FBXL7: variants seen among roughly 807,000 people sequenced by gnomAD.
FBXL7 encodes F-box/LRR-repeat protein 7.
FBXL7 carries 12 observed loss-of-function variants against 38.3 expected under a neutral mutation model. The ratio of observed to expected loss-of-function variants is 0.31; its 90% CI spans 0.20 to 0.51. The LOEUF (loss-of-function observed/expected upper bound fraction) is 0.51. Ranked by LOEUF, FBXL7 falls within the 20% of genes least tolerant of loss-of-function variation. The pLI, the probability that FBXL7 is intolerant of heterozygous loss-of-function variation, is 0.98. For synonymous variants in FBXL7, 297 were observed against 300.9 expected, an observed-to-expected ratio of 0.99 and a Z score of 0.13; for missense variants, 567 against 676.4, an observed-to-expected ratio of 0.84 and a Z score of 1.79.
rs938943774 is a variant in FBXL7 at position 15,661,293 on chromosome 5, GT to G, written c.127+45228del. ...TAAAGTAATTTATTAGTTCTAATAG[GT>G]TTTTTTGTCAGTTCTTTGAGATTTT... On this transcript the variant is annotated intron_variant, in intron 2 of 3. Coordinates refer to ENST00000504595, the MANE Select transcript of FBXL7 (RefSeq NM_012304.5). 1.4e-3 allele frequency among the ~76,000 whole-genome samples: 217 copies of G among 152,140 alleles called. 1 individual carries two copies. The highest frequency in any genetic ancestry group is 5.1e-3 in the African/African-American group (210 of 41,524).
At chr5:15,707,580 G>C (rs1224596075) in intron 2 of FBXL7, among the ~76,000 whole-genome samples, 1 of 152,246 alleles carries the variant, frequency 6.6e-6, no homozygotes, top group East Asian at 1.9e-4. Flanking sequence ...AACTTTGTGA[G>C]GAATAAGAAA....
chr5:15,508,231 A>G (rs924056330), intron 1 of FBXL7, among the ~76,000 whole-genome samples: 2 of 152,180 alleles, frequency 1.3e-5, no homozygotes, highest in Admixed American at 6.5e-5. Context: ...ATTGAATGCT[A>G]TACTGAAAAT....
chr5:15,879,935 C>T (rs1185239926), intron 2 of FBXL7, among the ~76,000 whole-genome samples: 1 of 151,872 alleles, frequency 6.6e-6, no homozygotes, highest in African/African-American at 2.4e-5. Flanking sequence ...AGTTTTCAAG[C>T]AATACAAATC....
intron 2 of FBXL7, among the ~76,000 whole-genome samples, chr5:15,833,572 C>T (rs746939770): frequency 1.3e-5 from 2 of 152,180 alleles, no homozygotes; most frequent in African/African-American, 4.8e-5. Context: ...TTTCAGCAAA[C>T]ATGGAACAAG....
intron 2 of FBXL7, among the ~76,000 whole-genome samples, chr5:15,678,749 C>G (rs1337596180): frequency 6.6e-6 from 1 of 152,180 alleles, no homozygotes; most frequent in South Asian, 2.1e-4. Flanking sequence ...TCTTGACGCT[C>G]TCATTCTCTC....
intron 2 of FBXL7, among the ~76,000 whole-genome samples, chr5:15,665,560 C>A (rs1742243796): frequency 6.6e-6 from 1 of 152,168 alleles, no homozygotes; most frequent in South Asian, 2.1e-4. Flanking sequence ...ACTTTCTACA[C>A]CCTAAATTGT....
chr5:15,742,813 A>ATAATATAATGAAATTATATTATGGT (rs1735926081), intron 2 of FBXL7, among the ~76,000 whole-genome samples: 1 of 152,200 alleles, frequency 6.6e-6, no homozygotes. Flanking sequence ...ATTGACTCAC[A>ATAATATAATGAAATTATATTATGGT]GTTTAGCATG....
At chr5:15,848,394 T>G (rs999704628) in intron 2 of FBXL7, among the ~76,000 whole-genome samples, 2 of 152,156 alleles carry the variant, frequency 1.3e-5, no homozygotes, top group African/African-American at 4.8e-5. Flanking sequence ...TTGTTTTTGT[T>G]TTTTTGAGAC....
intron 1 of FBXL7, among the ~76,000 whole-genome samples, chr5:15,554,602 T>C (rs1002624293): frequency 6.6e-6 from 1 of 152,196 alleles, no homozygotes; most frequent in African/African-American, 2.4e-5. Flanking sequence ...GCAAATAAAG[T>C]GTCAGCCTTG....
At chr5:15,808,978 C>A (rs1188412753) in intron 2 of FBXL7, among the ~76,000 whole-genome samples, 1 of 152,170 alleles carries the variant, frequency 6.6e-6, no homozygotes, top group Non-Finnish European at 1.5e-5. Flanking sequence ...ACCATCCAAA[C>A]CCCAGTCATT....
intron 2 of FBXL7, among the ~76,000 whole-genome samples, chr5:15,653,843 C>G (rs553090499): frequency 1.3e-5 from 2 of 152,298 alleles, no homozygotes; most frequent in South Asian, 4.1e-4. Flanking sequence ...CCTTGGGGAG[C>G]TCTGCACAGA....
intron 1 of FBXL7, among the ~76,000 whole-genome samples, chr5:15,527,056 C>T (rs575370866): frequency 1.3e-5 from 2 of 152,288 alleles, no homozygotes; most frequent in Non-Finnish European, 2.9e-5. Context: ...TTATGGACCT[C>T]CACCCATGGT....
intron 1 of FBXL7, among the ~76,000 whole-genome samples, chr5:15,553,091 A>AC (rs1182276826): frequency 1.2e-4 from 13 of 111,826 alleles, no homozygotes; most frequent in Non-Finnish European, 2.2e-4. Context: ...AAAAAAAAAA[A>AC]ACAAAAAAAA....
chr5:15,933,331 A>G (rs934352813), intron 3 of FBXL7, among the ~76,000 whole-genome samples: 2 of 152,232 alleles, frequency 1.3e-5, no homozygotes, highest in Non-Finnish European at 2.9e-5. Context: ...GACCAAATAT[A>G]TTATCTTTCC....
intron 2 of FBXL7, among the ~76,000 whole-genome samples, chr5:15,853,421 A>G (rs1166267217): frequency 6.6e-6 from 1 of 152,132 alleles, no homozygotes; most frequent in Non-Finnish European, 1.5e-5. Flanking sequence ...TACCACGGAG[A>G]AGGCATGGCT....
At chr5:15,641,040 G>A (rs1250940873) in intron 2 of FBXL7, among the ~76,000 whole-genome samples, 2 of 152,206 alleles carry the variant, frequency 1.3e-5, no homozygotes, top group African/African-American at 2.4e-5. Context: ...GGGATTTACT[G>A]AGTTTCTTGT....
rs73752349 is a variant in FBXL7 at position 15,887,123 on chromosome 5, C to T, written c.128-40767C>T. Among the ~76,000 whole-genome samples, 937 of 152,150 alleles carry T rather than the reference C, an allele frequency of 6.2e-3. 17 individuals carry two copies. Among genetic ancestry groups the T allele is most frequent in the African/African-American group, 0.021 (885 of 41,514 alleles). ...AAAATCGTTTATATATGGGATGAACCTTATAAACAACAGAATAGTCAAGGC... is the reference window on the plus strand; with the variant it reads ...AAAATCGTTTATATATGGGATGAACTTTATAAACAACAGAATAGTCAAGGC... On this transcript the variant is annotated intron_variant, in intron 2 of 3. Coordinates refer to ENST00000504595, the MANE Select transcript of FBXL7 (RefSeq NM_012304.5).
intron 2 of FBXL7, among the ~76,000 whole-genome samples, chr5:15,710,640 T>C (rs2126642061): frequency 6.6e-6 from 1 of 152,338 alleles, no homozygotes; most frequent in African/African-American, 2.4e-5. Flanking sequence ...GTGTGCCATA[T>C]CTTTAACACC....
chr5:15,771,023 C>A (rs184200541), intron 2 of FBXL7, among the ~76,000 whole-genome samples: 3 of 152,200 alleles, frequency 2.0e-5, no homozygotes, highest in African/African-American at 7.2e-5. Context: ...ATCTCCAATG[C>A]GCTTTGCTCA....
Sources: allele counts gnomAD v4.1 joint callset (sites outside exome capture counted in the v4.1 genomes callset), GRCh38; gene constraint gnomAD v4.1.1; transcripts MANE v1.5; gene names NCBI Gene and HGNC (gene_info 2026-07-23, HGNC 2026-07-21).